THRB: variants seen among roughly 807,000 people sequenced by gnomAD.
The protein encoded by THRB is thyroid hormone receptor beta, also known as nuclear receptor subfamily 1 group A member 2.
THRB carries 12 observed loss-of-function variants against 47.8 expected under a neutral mutation model. The observed-to-expected ratio is 0.25, with a 90% CI of 0.16 to 0.41. THRB has a LOEUF of 0.41. THRB is among the 10% of genes least tolerant of loss of function. The probability of loss-of-function intolerance (pLI) is 1.00; values close to 1 mark genes in which losing one functional copy is unlikely to be tolerated. For synonymous variants in THRB, 218 were observed against 212.2 expected (o/e 1.03, Z -0.24); for missense variants, 348 against 589.2 (o/e 0.59, Z 4.24).
intron 9 of THRB, among the ~76,000 whole-genome samples, chr3:24,128,748 A>G (rs575094177): frequency 2.0e-4 from 16 of 78,528 alleles, no homozygotes; most frequent in African/African-American, 7.9e-4. Context: ...AGGCACTGAG[A>G]GGGTAACAAG....
intron 1 of THRB, among the ~76,000 whole-genome samples, chr3:24,363,170 C>T (rs1265777696): frequency 6.6e-6 from 1 of 152,024 alleles, no homozygotes; most frequent in East Asian, 1.9e-4. Flanking sequence ...ACTGTATTTC[C>T]TTGGGGGTAA....
chr3:24,457,604 T>G (rs1228128015), intron 1 of THRB, among the ~76,000 whole-genome samples: 4 of 152,338 alleles, frequency 2.6e-5, no homozygotes, highest in African/African-American at 9.6e-5. Context: ...ACCACAGGTT[T>G]AAAGAACATT....
At chr3:24,342,153 CAA>C (rs10574941) in intron 1 of THRB, among the ~76,000 whole-genome samples, 46,300 of 138,884 alleles carry the variant, frequency 0.33, 7,459 homozygotes, top group Middle Eastern at 0.46. Flanking sequence ...CTGTTGCGCT[CAA>C]AAAAAAAAAA....
intron 1 of THRB, among the ~76,000 whole-genome samples, chr3:24,354,318 C>A (rs1281026796): frequency 6.6e-6 from 1 of 151,982 alleles, no homozygotes; most frequent in East Asian, 1.9e-4. Context: ...CAACAAACCC[C>A]CATCACACAA....
intron 3 of THRB, among the ~76,000 whole-genome samples, chr3:24,279,295 A>C (rs926553945): frequency 6.6e-6 from 1 of 152,232 alleles, no homozygotes; most frequent in African/African-American, 2.4e-5. Context: ...AAACACCTGG[A>C]AAGTTCATGA....
At chr3:24,162,030 C>G (rs979824880) in intron 5 of THRB, among the ~76,000 whole-genome samples, 29 of 152,076 alleles carry the variant, frequency 1.9e-4, no homozygotes, top group Non-Finnish European at 3.7e-4. Context: ...TTCAACAGAC[C>G]CGGCTGGTCC....
chr3:24,314,878 G>A (rs1392322393), intron 2 of THRB, among the ~76,000 whole-genome samples: 2 of 152,066 alleles, frequency 1.3e-5, no homozygotes, highest in African/African-American at 4.8e-5. Context: ...TTCCTGCAGG[G>A]TCTTATTTCA....
chr3:24,345,859 G>T (rs2062979325), intron 1 of THRB, among the ~76,000 whole-genome samples: 2 of 152,050 alleles, frequency 1.3e-5, no homozygotes, highest in Non-Finnish European at 2.9e-5. Context: ...TGCTTTAACA[G>T]CGTATACATA....
chr3:24,351,229 T>C (rs1014161232), intron 1 of THRB, among the ~76,000 whole-genome samples: 2 of 152,134 alleles, frequency 1.3e-5, no homozygotes, highest in African/African-American at 2.4e-5. Context: ...TTTAAAACTT[T>C]CTTTGCCATG....
At chr3:24,313,656 T>C (rs2057912046) in intron 2 of THRB, among the ~76,000 whole-genome samples, 1 of 152,180 alleles carries the variant, frequency 6.6e-6, no homozygotes, top group African/African-American at 2.4e-5. Context: ...AGTATTACCT[T>C]AAAATGCAAC....
rs190483318 is a variant in THRB at position 24,327,250 on chromosome 3, C to A, written c.-189+10050G>T. ...ACTATTTTGTTCATCCAAGTAAATG[C>A]TCAGGGACCCCCCCCACCGCCACCC... On this transcript the variant is annotated intron_variant, in intron 2 of 10. Transcript: ENST00000646209. Among the ~76,000 whole-genome samples, 369 of 151,800 alleles carry A rather than the reference C, an allele frequency of 2.4e-3. 5 individuals are homozygous for A. Among genetic ancestry groups the A allele is most frequent in the Non-Finnish European group, 6.2e-4 (42 of 67,980 alleles).
chr3:24,219,045 T>C (rs190918846), intron 4 of THRB, among the ~76,000 whole-genome samples: 66 of 152,266 alleles, frequency 4.3e-4, no homozygotes, highest in African/African-American at 1.6e-3. Flanking sequence ...GGTGGGCGGA[T>C]TGCTTGAGCC....
chr3:24,264,841 A>C (rs1423524752), intron 3 of THRB, among the ~76,000 whole-genome samples: 2 of 152,094 alleles, frequency 1.3e-5, no homozygotes, highest in Non-Finnish European at 2.9e-5. Context: ...CAATATCCTA[A>C]AAGTCCACAA....
chr3:24,300,021 A>G (rs1019436067), intron 2 of THRB, among the ~76,000 whole-genome samples: 2 of 152,026 alleles, frequency 1.3e-5, no homozygotes, highest in Non-Finnish European at 2.9e-5. Flanking sequence ...TGACTCTTCA[A>G]AAGCCACCGA....
chr3:24,256,652 C>G (rs1470600602), intron 3 of THRB, among the ~76,000 whole-genome samples: 1 of 152,022 alleles, frequency 6.6e-6, no homozygotes, highest in Non-Finnish European at 1.5e-5. Context: ...AGGGTGGACA[C>G]CTCTACTGTA....
rs1055463565 is a variant in THRB at position 24,218,345 on chromosome 3, T to C, written c.22+10593A>G. On this transcript the variant is annotated intron_variant, in intron 4 of 10. Coordinates refer to ENST00000646209, the MANE Select transcript of THRB (RefSeq NM_001354712.2). ...TTTTGTCTCTCTCTCTCTCTCTCTT[T>C]TTTTTTTTTTTTTTTTTAAAAAGAA... Among the ~76,000 whole-genome samples the C allele has an allele frequency of 1.1e-3, 117 of 110,180 alleles. 2 individuals are homozygous for C. Among genetic ancestry groups the C allele is most frequent in the Admixed American group, 4.2e-3 (50 of 11,972 alleles). The allele number at this position is 110,180 out of a possible 152,430, so 72.3% of individuals were successfully genotyped here.
intron 1 of THRB, among the ~76,000 whole-genome samples, chr3:24,404,088 G>A (rs2067634606): frequency 6.6e-6 from 1 of 151,904 alleles, no homozygotes; most frequent in Non-Finnish European, 1.5e-5. Flanking sequence ...CATAGTTAAA[G>A]ACTTTACTCA....
At chr3:24,493,202 C>G (rs574491055) in intron 1 of THRB, among the ~76,000 whole-genome samples, 2 of 152,338 alleles carry the variant, frequency 1.3e-5, no homozygotes, top group South Asian at 4.1e-4. Flanking sequence ...TCATTGTTTC[C>G]TAGCCTCTGA....
At chr3:24,354,598 G>C (rs2063553415) in intron 1 of THRB, among the ~76,000 whole-genome samples, 1 of 152,132 alleles carries the variant, frequency 6.6e-6, no homozygotes, top group Non-Finnish European at 1.5e-5. Flanking sequence ...GGGCTACTGA[G>C]AGTACACACT....
Sources: gnomAD v4.1 joint callset for allele counts (sites outside exome capture counted in the v4.1 genomes callset) on GRCh38, gnomAD v4.1.1 for gene constraint, MANE v1.5 for transcripts, NCBI Gene and HGNC (gene_info 2026-07-23, HGNC 2026-07-21) for gene names.